Variants in THUMPD1 observed in about 807,000 individuals in gnomAD.
THUMPD1 encodes THUMP domain-containing protein 1.
A neutral mutation model predicts 31.6 loss-of-function variants in THUMPD1; 31 were observed. That is an observed-to-expected ratio of 0.98 (90% confidence interval 0.74 to 1.32). The LOEUF is 1.32. Ranked by LOEUF, THUMPD1 falls within the 40% of genes most tolerant of loss-of-function variation. The pLI is 0.00. For missense variants in THUMPD1, 446 were observed against 427.8 expected, an observed-to-expected ratio of 1.04 and a Z score of -0.38; for synonymous variants, 166 against 158.2, an observed-to-expected ratio of 1.05 and a Z score of -0.37.
In THUMPD1 at chr16:20,736,226, T is replaced by C. The variant is rs1213262336; in HGVS notation, c.*654A>G. The stretch of plus-strand genomic sequence containing the variant: ...TTCTTTGTGTCCCTTGTTGCACTAG[T>C]ATACTGAAGTATACTCAGAAGACTG... On this transcript the variant is annotated 3_prime_UTR_variant, in exon 4 of 4. Transcript: ENST00000396083. The C allele has an allele frequency of 2.0e-5, 3 of 152,220 alleles. No individual in the cohort carries two copies. Among genetic ancestry groups the C allele is most frequent in the Admixed American group, 6.5e-5 (1 of 15,282 alleles). The allele number at this position is 152,220 out of a possible 1,614,324, so 9.4% of individuals were successfully genotyped here. A position where few individuals can be genotyped will look rare whatever the true frequency, so the allele number is the denominator to read the frequency against.
Position 20,735,824 on chromosome 16 carries a change from A to T in THUMPD1, c.*1056T>A, listed in dbSNP as rs1213587793. 6.6e-6 allele frequency: 1 copy of T among 152,244 alleles called. No individual in the cohort carries two copies. Among genetic ancestry groups the T allele is most frequent in the Admixed American group, 6.5e-5 (1 of 15,282 alleles). 9.4% of individuals were successfully genotyped at this position (152,244 alleles called of 1,614,324 possible). A position where few individuals can be genotyped will look rare whatever the true frequency, so the allele number is the denominator to read the frequency against. On this transcript the variant is annotated 3_prime_UTR_variant, in exon 4 of 4. Transcript: ENST00000396083. ...CAAAACCTTTTTTGCATCATATGAC[A>T]TATCATCAGTAAATCAACTTATTGA... is the stretch of plus-strand genomic sequence containing the variant.
At chr16:20,740,663 G>T (rs930833301) in intron 1 of THUMPD1, among the ~76,000 whole-genome samples, 4 of 152,132 alleles carry the variant, frequency 2.6e-5, no homozygotes, top group Non-Finnish European at 5.9e-5. Context: ...AGGATGAGCC[G>T]TGAATTTAAA....
rs1162676316 is a variant in THUMPD1, at chr16:20,735,377, T to G, written c.*1503A>C. 4 of 20,734 alleles carry G rather than the reference T, an allele frequency of 1.9e-4. No homozygotes were observed. The highest frequency in any genetic ancestry group is 8.1e-4 in the Non-Finnish European group (3 of 3,724). The allele number at this position is 20,734 out of a possible 1,614,324, so 1.3% of individuals were successfully genotyped here. On this transcript the variant is annotated 3_prime_UTR_variant, in exon 4 of 4. Coordinates refer to ENST00000396083, the MANE Select transcript of THUMPD1 (RefSeq NM_017736.5). ...TCTGTCCAGGTTTTTGTTTTGGGTG[T>G]TTTTTTTTTTTTTTAACATTTTTGC...
rs1224168106 is a variant in THUMPD1 at position 20,739,014 on chromosome 16, C to G, written c.289G>C (p.Ala97Pro). Reference sequence around the variant, plus strand: ...TCACCAACTTCTTTCTTCAAGGCAGCCTCCGCATCATCATCCTCTCCCTCA... The same window carrying G: ...TCACCAACTTCTTTCTTCAAGGCAGGCTCCGCATCATCATCCTCTCCCTCA... The part of the protein sequence containing the change: ...GSEGEDDDAE[A>P]ALKKEVGDIK... The change falls in exon 2 of 4, where the codon GCT becomes CCT. Residue 97 changes from alanine (A) to proline (P), a missense_variant. Transcript: ENST00000396083. 4.3e-6 allele frequency: 7 copies of G among 1,614,188 alleles called. No individual in the cohort carries two copies. The highest frequency in any genetic ancestry group is 5.9e-6 in the Non-Finnish European group (7 of 1,180,022).
Position 20,736,978 on chromosome 16 carries a change from T to G in THUMPD1, c.964A>C (p.Thr322Pro). 6.2e-7 allele frequency: 1 copy of G among 1,614,098 alleles called. No homozygotes were observed. The highest frequency in any genetic ancestry group is 8.5e-7 in the Non-Finnish European group (1 of 1,179,998). ...NTEELGQTKP[T>P]SNPQVVNEGG... The stretch of plus-strand genomic sequence containing the variant: ...TCATTTACCACCTGTGGATTAGACG[T>G]TGGTTTTGTCTGCCCCAGCTCCTCA... The change falls in exon 4 of 4, where the codon ACG becomes CCG. Residue 322 changes from threonine to proline, a missense_variant. Transcript: ENST00000396083.
At chr16:20,738,814 G>T in intron 2 of THUMPD1, 83 bp downstream of exon 2, 1 of 1,494,610 alleles carries the variant, frequency 6.7e-7, no homozygotes, top group Non-Finnish European at 9.1e-7. Context: ...TGCCCAAGAA[G>T]CCATTTTGTA....
chr16:20,739,946 AG>A (rs2079902986), intron 1 of THUMPD1, among the ~76,000 whole-genome samples: 1 of 152,240 alleles, frequency 6.6e-6, no homozygotes, highest in Non-Finnish European at 1.5e-5. Context: ...CGTGCTGACC[AG>A]ATCAATCATT....
rs1422450396 is a variant in THUMPD1, at chr16:20,735,436, G to C, written c.*1444C>G. ...GTCTTTGATACAGGTAACCAGTTTT[G>C]TAACATTATTCAGAACTTCACTGTA... On this transcript the variant is annotated 3_prime_UTR_variant, in exon 4 of 4. Transcript: ENST00000396083. 6.8e-6 allele frequency: 1 copy of C among 146,358 alleles called. No homozygotes were observed. The highest frequency in any genetic ancestry group is 2.5e-5 in the African/African-American group (1 of 39,470). The allele number at this position is 146,358 out of a possible 1,614,324, so 9.1% of individuals were successfully genotyped here.
intron 2 of THUMPD1, chr16:20,738,643 A>C: frequency 2.2e-6 from 1 of 461,864 alleles, no homozygotes; most frequent in Non-Finnish European, 3.9e-6. Flanking sequence ...ATTTACACAG[A>C]ACTGGCACTC....
chr16:20,737,377 A>G (rs994670122), intron 3 of THUMPD1, 91 bp from the exon 4 acceptor site: 42 of 1,303,150 alleles, frequency 3.2e-5, no homozygotes, highest in Non-Finnish European at 4.0e-5. Flanking sequence ...TCTTGTTAAA[A>G]CAAGACATAC....
intron 2 of THUMPD1, 27 bp downstream of exon 2, chr16:20,738,870 G>A (rs753208761): frequency 3.1e-6 from 5 of 1,610,032 alleles, no homozygotes; most frequent in Non-Finnish European, 3.4e-6. Flanking sequence ...TTATGAGATC[G>A]ATAATCTTAG....
chr16:20,737,356 T>C, intron 3 of THUMPD1, 70 bp from the exon 4 acceptor site: 1 of 1,472,870 alleles, frequency 6.8e-7, no homozygotes, highest in Non-Finnish European at 9.1e-7. Flanking sequence ...AAAAAATCTT[T>C]TGTCTCTGTT....
At chr16:20,741,415 G>A (rs2079919967) in intron 1 of THUMPD1, 94 bp downstream of exon 1, 2 of 1,415,328 alleles carry the variant, frequency 1.4e-6, no homozygotes, top group Non-Finnish European at 1.9e-6. Context: ...GACGACCCGA[G>A]GCGCGCATGC....
At chr16:20,737,680 C>CT (rs2079882123) in intron 3 of THUMPD1, 28 bp downstream of exon 3, 1 of 1,578,936 alleles carries the variant, frequency 6.3e-7, no homozygotes, top group Non-Finnish European at 8.6e-7. Flanking sequence ...CATTGAATGC[C>CT]TATGGAAAAT....
chr16:20,738,159 T>G lies in THUMPD1; in HGVS notation c.407-203A>C, dbSNP rs61114078. On this transcript the variant is annotated intron_variant, in intron 2 of 3. Transcript: ENST00000396083. ...TATAATGTATCTAATATATTTTAAC[T>G]TTTCATCATTATTACTGCTTGCACT... The G allele has an allele frequency of 1.5e-3, 997 of 643,324 alleles. 10 individuals carry two copies. In the African/African-American group the frequency reaches 0.016, roughly 10 times the overall value. The allele number at this position is 643,324 out of a possible 1,614,324, so 39.9% of individuals were successfully genotyped here.
At position 20,741,654 on chromosome 16, in the gene THUMPD1, C is replaced by G. The variant is rs752435216; in HGVS notation, c.86G>C (p.Arg29Pro). ...ACGGGGCCCGCCAGCGTCGCAGCGC[C>G]GAGCGCGCTTGGCCAGCACATACTG... ...KAQYVLAKRARRCDAGGPRQL... is the reference protein window; with the variant it reads ...KAQYVLAKRAPRCDAGGPRQL... Residue 29 changes from arginine to proline, a missense_variant, in exon 1 of 4, where the codon CGG becomes CCG. By Grantham distance (103) the Arg-to-Pro change is moderately radical. Transcript: ENST00000396083. 1 of 1,583,276 alleles carries G rather than the reference C, an allele frequency of 6.3e-7. No individual in the cohort carries two copies. The highest frequency in any genetic ancestry group is 1.3e-5 in the African/African-American group (1 of 74,544).
Position 20,734,700 on chromosome 16 carries a change from T to C in THUMPD1, c.*2180A>G, listed in dbSNP as rs2079854289. The C allele has an allele frequency of 6.6e-6, 1 of 152,232 alleles. No individual in the cohort carries two copies. The highest frequency in any genetic ancestry group is 1.5e-5 in the Non-Finnish European group (1 of 68,028). 9.4% of individuals were successfully genotyped at this position (152,232 alleles called of 1,614,324 possible). ...ACTTTGTTGGTGTCTGCCTTTTCAA[T>C]TGTTTTACCCAAAAAGAGGCCTTGA... On this transcript the variant is annotated 3_prime_UTR_variant, in exon 4 of 4. Transcript: ENST00000396083.
intron 2 of THUMPD1, chr16:20,738,260 T>C (rs1292864657): frequency 4.1e-6 from 2 of 483,070 alleles, no homozygotes; most frequent in East Asian, 1.2e-4. Flanking sequence ...AACACCATGC[T>C]GTTGTTTTCC....
At position 20,737,852 on chromosome 16, in the gene THUMPD1, C is replaced by G. The variant is rs990903968; in HGVS notation, c.511G>C (p.Ala171Pro). The change falls in exon 3 of 4, where the codon GCT becomes CCT. Residue 171 changes from alanine to proline, a missense_variant. Coordinates refer to ENST00000396083, the MANE Select transcript of THUMPD1 (RefSeq NM_017736.5). ...RMLPISGTCK[A>P]FLEDMKKYAE... is the part of the protein sequence containing the mutation. ...TATTTTTTCATATCTTCTAAAAAAG[C>G]CTTGCATGTGCCTGAGATGGGTAAC... The G allele has an allele frequency of 3.1e-6, 5 of 1,613,722 alleles. No individual in the cohort carries two copies. Among genetic ancestry groups the G allele is most frequent in the Non-Finnish European group, 4.2e-6 (5 of 1,179,922 alleles).
Sources: gnomAD v4.1 joint callset for allele counts (sites outside exome capture counted in the v4.1 genomes callset) on GRCh38, gnomAD v4.1.1 for gene constraint, MANE v1.5 for transcripts, NCBI Gene and HGNC (gene_info 2026-07-23, HGNC 2026-07-21) for gene names.